MAML2: variants seen among roughly 807,000 people sequenced by gnomAD.
The protein encoded by MAML2 is mastermind-like protein 2.
A neutral mutation model predicts 96.1 loss-of-function variants in MAML2; 22 were observed. The ratio of observed to expected loss-of-function variants is 0.23; its 90% CI spans 0.16 to 0.33. The LOEUF (loss-of-function observed/expected upper bound fraction) is 0.33. MAML2 is among the 10% of genes least tolerant of loss of function. The pLI, the probability that MAML2 is intolerant of heterozygous loss-of-function variation, is 1.00. For synonymous variants in MAML2, 561 were observed against 521.3 expected, an observed-to-expected ratio of 1.08 and a Z score of -1.04; for missense variants, 1,367 against 1,392.4, an observed-to-expected ratio of 0.98 and a Z score of 0.29.
intron 2 of MAML2, among the ~76,000 whole-genome samples, chr11:95,993,033 C>A (rs1857936839): frequency 6.6e-6 from 1 of 152,028 alleles, no homozygotes; most frequent in African/African-American, 2.4e-5. Context: ...AGGCGTGCGC[C>A]ACCTGGCTAA....
chr11:96,094,402 C>T (rs1010546238), intron 1 of MAML2, among the ~76,000 whole-genome samples: 5 of 152,174 alleles, frequency 3.3e-5, no homozygotes, highest in Non-Finnish European at 1.5e-5. Flanking sequence ...ACTTAACTCA[C>T]AGGAAGGGAT....
chr11:96,143,436 A>G (rs1056917588), intron 1 of MAML2, among the ~76,000 whole-genome samples: 9 of 152,200 alleles, frequency 5.9e-5, no homozygotes, highest in Admixed American at 5.2e-4. Context: ...ATGGATTTTA[A>G]GTTGCAGGGG....
chr11:96,056,927 A>C (rs1216142368), intron 2 of MAML2, among the ~76,000 whole-genome samples: 1 of 152,248 alleles, frequency 6.6e-6, no homozygotes, highest in African/African-American at 2.4e-5. Context: ...TGTTAATTGT[A>C]TTCTAAGAAT....
At position 96,119,303 on chromosome 11, in the gene MAML2, A is replaced by G. The variant is rs577966770; in HGVS notation, c.514-25786T>C. Among the ~76,000 whole-genome samples, 138 of 152,332 alleles carry G rather than the reference A, an allele frequency of 9.1e-4. 1 individual carries two copies. Among genetic ancestry groups the G allele is most frequent in the Admixed American group, 1.1e-3 (17 of 15,302 alleles). ...TCCAGGTGAATGTCATGTAATCACAAGGGTCCTTACAAGGAAGGAGGCAGG... is the reference window on the plus strand; with the variant it reads ...TCCAGGTGAATGTCATGTAATCACAGGGGTCCTTACAAGGAAGGAGGCAGG... On this transcript the variant is annotated intron_variant, in intron 1 of 4. Coordinates refer to ENST00000524717, the MANE Select transcript of MAML2 (RefSeq NM_032427.4).
intron 1 of MAML2, among the ~76,000 whole-genome samples, chr11:96,241,212 T>C (rs903959319): frequency 3.9e-5 from 6 of 152,254 alleles, no homozygotes; most frequent in African/African-American, 1.4e-4. Flanking sequence ...ATACATTGTC[T>C]TCTCAGCATC....
At chr11:96,012,064 C>T (rs1189999321) in intron 2 of MAML2, among the ~76,000 whole-genome samples, 1 of 152,128 alleles carries the variant, frequency 6.6e-6, no homozygotes, top group East Asian at 1.9e-4. Flanking sequence ...GCTAAAATTT[C>T]ATAAATCTCA....
At chr11:96,130,705 G>T (rs1440274180) in intron 1 of MAML2, among the ~76,000 whole-genome samples, 1 of 151,396 alleles carries the variant, frequency 6.6e-6, no homozygotes. Context: ...CCTACAAATG[G>T]TCCTTCAGTC....
intron 1 of MAML2, among the ~76,000 whole-genome samples, chr11:96,288,089 G>GA (rs1240080615): frequency 2.0e-5 from 3 of 152,032 alleles, no homozygotes; most frequent in African/African-American, 7.2e-5. Context: ...GAAACCACCT[G>GA]AAAAACCACA....
chr11:96,312,219 CAAAAAAAAAAA>C (rs34658278), intron 1 of MAML2, among the ~76,000 whole-genome samples: 1 of 51,554 alleles, frequency 1.9e-5, no homozygotes, highest in Non-Finnish European at 3.2e-5. Flanking sequence ...GACTCTATCT[CAAAAAAAAAAA>C]AAAAAAAAAA....
chr11:96,282,255 A>AAT (rs1555034737), intron 1 of MAML2, among the ~76,000 whole-genome samples: 2 of 149,974 alleles, frequency 1.3e-5, no homozygotes, highest in African/African-American at 4.9e-5. Context: ...TCTCAAAAAA[A>AAT]AAATAATAAT....
intron 2 of MAML2, among the ~76,000 whole-genome samples, chr11:96,062,567 A>G (rs1425886356): frequency 6.6e-6 from 1 of 152,168 alleles, no homozygotes; most frequent in Non-Finnish European, 1.5e-5. Flanking sequence ...TGAAATATGG[A>G]GTGGTGGAAG....
intron 1 of MAML2, among the ~76,000 whole-genome samples, chr11:96,258,288 T>G (rs1409857950): frequency 6.6e-6 from 1 of 152,252 alleles, no homozygotes; most frequent in Non-Finnish European, 1.5e-5. Context: ...TTGGTACTAA[T>G]CAGAGTGGAA....
At chr11:96,110,423 T>G (rs1005638376) in intron 1 of MAML2, among the ~76,000 whole-genome samples, 10 of 152,208 alleles carry the variant, frequency 6.6e-5, no homozygotes, top group Admixed American at 3.3e-4. Context: ...TTCCTAGTCT[T>G]CCAAATTTTC....
chr11:96,072,895 A>G (rs1859369744), intron 2 of MAML2, among the ~76,000 whole-genome samples: 3 of 152,194 alleles, frequency 2.0e-5, no homozygotes, highest in African/African-American at 7.2e-5. Flanking sequence ...TGCCTCCAAG[A>G]CTAAACTTGT....
chr11:96,135,967 T>C (rs750808143), intron 1 of MAML2, among the ~76,000 whole-genome samples: 3 of 152,170 alleles, frequency 2.0e-5, no homozygotes, highest in African/African-American at 4.8e-5. Flanking sequence ...TGAAATGAAT[T>C]AATTTTGAAC....
intron 2 of MAML2, among the ~76,000 whole-genome samples, chr11:95,994,619 G>T (rs1857963688): frequency 6.6e-6 from 1 of 152,146 alleles, no homozygotes; most frequent in Non-Finnish European, 1.5e-5. Flanking sequence ...GCTGGAAGTG[G>T]TGGGGGAAGA....
chr11:96,333,354 A>G (rs1486711477), intron 1 of MAML2, among the ~76,000 whole-genome samples: 1 of 144,016 alleles, frequency 6.9e-6, no homozygotes, highest in East Asian at 2.0e-4. Context: ...GGAGTAAGCG[A>G]AAAAAAAAAA....
Position 95,980,025 on chromosome 11 carries a change from C to T in MAML2, c.2456-62G>A, listed in dbSNP as rs556620210. 4 of 1,301,634 alleles carry T rather than the reference C, an allele frequency of 3.1e-6. No homozygotes were observed. In the African/African-American group the frequency reaches 4.4e-5, roughly 14 times the overall value. The allele number at this position is 1,301,634 out of a possible 1,614,324, so 80.6% of individuals were successfully genotyped here. ...GCATGTTATCTCCTCTGTAACTGCA[C>T]TTTTCAATAACTCATCAATCTGAAA... On this transcript the variant is annotated intron_variant, in intron 4 of 4. Coordinates refer to ENST00000524717, the MANE Select transcript of MAML2 (RefSeq NM_032427.4).
intron 1 of MAML2, among the ~76,000 whole-genome samples, chr11:96,094,133 G>A (rs989228369): frequency 7.2e-5 from 11 of 152,146 alleles, no homozygotes; most frequent in African/African-American, 2.7e-4. Flanking sequence ...CCAAGCCTAT[G>A]TAGCAACCTT....
Sources: gnomAD v4.1 joint callset for allele counts (sites outside exome capture counted in the v4.1 genomes callset) on GRCh38, gnomAD v4.1.1 for gene constraint, MANE v1.5 for transcripts, NCBI Gene and HGNC (gene_info 2026-07-23, HGNC 2026-07-21) for gene names.